Variants in FAM110B observed in about 807,000 individuals in gnomAD.
FAM110B encodes the protein family with sequence similarity 110 member B.
A neutral mutation model predicts 20.4 loss-of-function variants in FAM110B; 6 were observed. The ratio of observed to expected loss-of-function variants is 0.29; its 90% CI spans 0.16 to 0.58. The LOEUF is 0.58. Ranked by LOEUF, FAM110B falls within the 20% of genes least tolerant of loss-of-function variation. The pLI, the probability that FAM110B is intolerant of heterozygous loss-of-function variation, is 0.90. For missense variants in FAM110B, 434 were observed against 498.2 expected (o/e 0.87, Z 1.23); for synonymous variants, 226 against 214.1 (o/e 1.06, Z -0.49).
chr8:58,084,953 C>G (rs1430396794), intron 3 of FAM110B, among the ~76,000 whole-genome samples: 3 of 152,140 alleles, frequency 2.0e-5, no homozygotes, highest in Non-Finnish European at 4.4e-5. Context: ...CCAGGACTTT[C>G]CCTCTGGACA....
At chr8:58,045,587 C>A (rs1805304533) in intron 2 of FAM110B, among the ~76,000 whole-genome samples, 1 of 152,082 alleles carries the variant, frequency 6.6e-6, no homozygotes, top group Non-Finnish European at 1.5e-5. Flanking sequence ...GGCCAGTTAG[C>A]CACCCAGGTT....
chr8:58,045,796 T>A (rs1472141121), intron 2 of FAM110B, among the ~76,000 whole-genome samples: 2 of 152,206 alleles, frequency 1.3e-5, no homozygotes, highest in East Asian at 3.8e-4. Flanking sequence ...ACAGAGAATG[T>A]CTTAGTTTGC....
intron 3 of FAM110B, among the ~76,000 whole-genome samples, chr8:58,142,919 C>T (rs1803774078): frequency 6.6e-6 from 1 of 152,250 alleles, no homozygotes; most frequent in African/African-American, 2.4e-5. Flanking sequence ...CCCATCAGTG[C>T]CTGACTGCAC....
chr8:58,017,382 C>T (rs1267913269), intron 1 of FAM110B, among the ~76,000 whole-genome samples: 1 of 152,184 alleles, frequency 6.6e-6, no homozygotes, highest in African/African-American at 2.4e-5. Flanking sequence ...AGATGCGAAC[C>T]AGTTCTTCAT....
chr8:58,055,899 G>T (rs528820721), intron 2 of FAM110B, among the ~76,000 whole-genome samples: 2 of 152,216 alleles, frequency 1.3e-5, no homozygotes, highest in Non-Finnish European at 1.5e-5. Context: ...TGTATCAAAA[G>T]TTGTACAGTT....
intron 3 of FAM110B, among the ~76,000 whole-genome samples, chr8:58,084,068 A>G (rs527664195): frequency 1.3e-5 from 2 of 152,296 alleles, no homozygotes; most frequent in South Asian, 2.1e-4. Context: ...CTAGCTCACC[A>G]TATTAGTGGT....
chr8:58,013,242 A>G (rs1204920771), intron 1 of FAM110B, among the ~76,000 whole-genome samples: 1 of 152,196 alleles, frequency 6.6e-6, no homozygotes, highest in Non-Finnish European at 1.5e-5. Flanking sequence ...CCCAAAGTGG[A>G]TCAAAGATGG....
chr8:58,063,519 A>AT (rs1805698046), intron 2 of FAM110B, among the ~76,000 whole-genome samples: 1 of 152,148 alleles, frequency 6.6e-6, no homozygotes, highest in Non-Finnish European at 1.5e-5. Flanking sequence ...ATTTTTTCAG[A>AT]TTTTGTAATA....
chr8:58,006,923 A>ATATATTTTTTTTTTTT, intron 1 of FAM110B, among the ~76,000 whole-genome samples: 2,210 of 126,178 alleles, frequency 0.018, 50 homozygotes, highest in East Asian at 0.086. Context: ...ATATATATAT[A>ATATATTTTTTTTTTTT]TTTTTCCAAA....
intron 2 of FAM110B, among the ~76,000 whole-genome samples, chr8:58,034,757 G>A (rs1232073235): frequency 2.6e-5 from 4 of 152,190 alleles, no homozygotes; most frequent in Admixed American, 1.3e-4. Context: ...ACTTCTGAGG[G>A]TTGCTGTAAG....
At chr8:58,043,047 A>G (rs187071647) in intron 2 of FAM110B, 2 of 152,324 alleles carry the variant, frequency 1.3e-5, no homozygotes, top group Admixed American at 1.3e-4. Context: ...GGATTAGCTG[A>G]TATTTAAAGA....
At chr8:58,079,862 T>C (rs1235251089) in intron 3 of FAM110B, among the ~76,000 whole-genome samples, 1 of 152,126 alleles carries the variant, frequency 6.6e-6, no homozygotes, top group African/African-American at 2.4e-5. Flanking sequence ...ACCTGCATAG[T>C]TTATTAGTGG....
At chr8:58,130,330 C>T (rs779313821) in intron 3 of FAM110B, among the ~76,000 whole-genome samples, 2 of 152,172 alleles carry the variant, frequency 1.3e-5, no homozygotes, top group African/African-American at 2.4e-5. Context: ...GCCGCCTCTA[C>T]GATCATGAGT....
rs60062299 is a variant in FAM110B at position 58,133,209 on chromosome 8, T to TG, written c.-324-12698_-324-12697insG. On this transcript the variant is annotated intron_variant, in intron 3 of 3. Transcript: ENST00000519262. Reference sequence around the variant, plus strand: ...CTCTTAAGTGAGCTCGATTTTGTTTTTTTTTTTTTTCTTTTTGATAGCAGG... The same window carrying TG: ...CTCTTAAGTGAGCTCGATTTTGTTTTGTTTTTTTTTTCTTTTTGATAGCAGG... Among the ~76,000 whole-genome samples the TG allele has an allele frequency of 3.6e-3, 545 of 152,028 alleles. 6 individuals are homozygous for TG. The highest frequency in any genetic ancestry group is 0.012 in the African/African-American group (516 of 41,414).
chr8:58,136,278 G>A (rs1440610604), intron 3 of FAM110B, among the ~76,000 whole-genome samples: 1 of 152,066 alleles, frequency 6.6e-6, no homozygotes, highest in Non-Finnish European at 1.5e-5. Flanking sequence ...CCAAAGTGCT[G>A]GGATTATAGG....
chr8:58,122,223 G>A (rs1285489861), intron 3 of FAM110B, among the ~76,000 whole-genome samples: 1 of 152,200 alleles, frequency 6.6e-6, no homozygotes, highest in East Asian at 1.9e-4. Context: ...AATGTGCCCA[G>A]ATTTTTCTCT....
At chr8:57,996,880 A>G (rs1192944766) in intron 1 of FAM110B, among the ~76,000 whole-genome samples, 1 of 152,238 alleles carries the variant, frequency 6.6e-6, no homozygotes, top group South Asian at 2.1e-4. Context: ...ATTTTAGAGC[A>G]GGATTTATAG....
At chr8:58,075,743 C>CGATA (rs1554521171) in intron 3 of FAM110B, 120 bp downstream of exon 3, 1 of 151,686 alleles carries the variant, frequency 6.6e-6, no homozygotes, top group African/African-American at 2.4e-5. Context: ...TGCTGTCTGG[C>CGATA]AATAAATAAA....
intron 3 of FAM110B, among the ~76,000 whole-genome samples, chr8:58,095,716 T>C (rs1427287014): frequency 6.6e-6 from 1 of 152,192 alleles, no homozygotes; most frequent in Non-Finnish European, 1.5e-5. Flanking sequence ...GTATATTCTG[T>C]TGATTTGGGG....
Sources: gnomAD v4.1 joint callset for allele counts (sites outside exome capture counted in the v4.1 genomes callset) on GRCh38, gnomAD v4.1.1 for gene constraint, MANE v1.5 for transcripts, NCBI Gene and HGNC (gene_info 2026-07-23, HGNC 2026-07-21) for gene names.